Variants in ANKRD44 observed in about 807,000 individuals in gnomAD.
ANKRD44 encodes serine/threonine-protein phosphatase 6 regulatory ankyrin repeat subunit B.
Under a neutral mutation model 116.0 loss-of-function variants are expected in ANKRD44, and 35 were observed. The observed-to-expected ratio is 0.30, with a 90% CI of 0.23 to 0.40. The LOEUF (loss-of-function observed/expected upper bound fraction) is 0.40, where lower values mean the gene tolerates loss of function less well. ANKRD44 is among the 10% of genes least tolerant of loss of function. ANKRD44 has a pLI of 1.00. For missense variants in ANKRD44, 1,014 were observed against 1,242.6 expected, an observed-to-expected ratio of 0.82 and a Z score of 2.77; for synonymous variants, 435 against 461.8, an observed-to-expected ratio of 0.94 and a Z score of 0.74.
At chr2:197,153,514 A>C (rs2079718305) in intron 2 of ANKRD44, among the ~76,000 whole-genome samples, 1 of 152,180 alleles carries the variant, frequency 6.6e-6, no homozygotes, top group East Asian at 1.9e-4. Flanking sequence ...AACGACACAA[A>C]ATGGGAAGAA....
intron 1 of ANKRD44, among the ~76,000 whole-genome samples, chr2:197,215,201 T>C (rs1262668332): frequency 1.3e-5 from 2 of 152,168 alleles, no homozygotes; most frequent in Non-Finnish European, 2.9e-5. Flanking sequence ...TTAAAGCAAG[T>C]ATATGCTTCA....
intron 1 of ANKRD44, among the ~76,000 whole-genome samples, chr2:197,243,232 AAT>A: frequency 6.6e-6 from 1 of 152,350 alleles, no homozygotes; most frequent in South Asian, 2.1e-4. Flanking sequence ...CTGCATATGT[AAT>A]ATGTTTCTAG....
At chr2:197,009,732 G>A (rs567087668) in intron 18 of ANKRD44, among the ~76,000 whole-genome samples, 20 of 152,154 alleles carry the variant, frequency 1.3e-4, no homozygotes, top group African/African-American at 4.1e-4. Context: ...GATCCCCCTC[G>A]GCTTCCAGCT....
At chr2:197,033,795 G>A (rs141138342) in intron 16 of ANKRD44, among the ~76,000 whole-genome samples, 55 of 151,992 alleles carry the variant, frequency 3.6e-4, no homozygotes, top group Non-Finnish European at 4.0e-4. Flanking sequence ...CACTGGAGAT[G>A]TTGACTGGAA....
chr2:197,100,279 A>T (rs1029405419), intron 9 of ANKRD44, among the ~76,000 whole-genome samples: 2 of 152,056 alleles, frequency 1.3e-5, no homozygotes, highest in Non-Finnish European at 2.9e-5. Context: ...TACCAAAAAT[A>T]AAAAAATTAG....
chr2:197,309,215 T>C (rs894852764), intron 1 of ANKRD44, among the ~76,000 whole-genome samples: 5 of 152,142 alleles, frequency 3.3e-5, no homozygotes, highest in Non-Finnish European at 7.4e-5. Flanking sequence ...TGTCTAACAG[T>C]TGGCAAAGTA....
intron 20 of ANKRD44, among the ~76,000 whole-genome samples, chr2:197,007,073 C>T (rs1480816896): frequency 2.0e-5 from 3 of 151,766 alleles, no homozygotes; most frequent in African/African-American, 2.4e-5. Context: ...CCACTACACT[C>T]CAGCCTGGGT....
chr2:197,090,224 C>T (rs372367491), intron 10 of ANKRD44, among the ~76,000 whole-genome samples, 192 bp from the exon 11 acceptor site: 6 of 152,170 alleles, frequency 3.9e-5, no homozygotes, highest in East Asian at 3.9e-4. Flanking sequence ...ATAATAAATG[C>T]CTGAATCAAA....
At chr2:197,273,028 T>C (rs947845017) in intron 1 of ANKRD44, among the ~76,000 whole-genome samples, 1 of 152,224 alleles carries the variant, frequency 6.6e-6, no homozygotes, top group Non-Finnish European at 1.5e-5. Context: ...CACATTAACT[T>C]AGATTTTGCT....
At chr2:197,176,250 C>T (rs76040588) in intron 2 of ANKRD44, among the ~76,000 whole-genome samples, 1 of 152,294 alleles carries the variant, frequency 6.6e-6, no homozygotes, top group East Asian at 1.9e-4. Context: ...TTCAAAACTT[C>T]GAAATTTTAG....
chr2:196,993,495 T>C, intron 27 of ANKRD44, 88 bp downstream of exon 27: 1 of 1,095,680 alleles, frequency 9.1e-7, no homozygotes. Context: ...TAAGTGCCTT[T>C]TATACTAGCT....
chr2:197,046,378 T>C (rs1006412044), intron 16 of ANKRD44, among the ~76,000 whole-genome samples: 2 of 152,208 alleles, frequency 1.3e-5, no homozygotes, highest in African/African-American at 2.4e-5. Flanking sequence ...TTTCTAGTAA[T>C]TTAAATCAAA....
chr2:197,229,618 A>C (rs2125759132), intron 1 of ANKRD44, among the ~76,000 whole-genome samples: 1 of 152,348 alleles, frequency 6.6e-6, no homozygotes, highest in East Asian at 1.9e-4. Context: ...ATTTATAAGC[A>C]CTTATATTGT....
At chr2:196,979,219 A>G (rs1300989480) in intron 21 of ANKRD44, among the ~76,000 whole-genome samples, 1 of 151,814 alleles carries the variant, frequency 6.6e-6, no homozygotes, top group East Asian at 2.0e-4. Context: ...ACACGGTGAA[A>G]CCCCGTCTCT....
chr2:197,125,429 C>T lies in ANKRD44; in HGVS notation c.502G>A (p.Ala168Thr). Residue 168 changes from alanine to threonine, a missense_variant, in exon 6 of 28, where the codon GCA (alanine) becomes ACA (threonine). By Grantham distance (58) the Ala-to-Thr change is moderately conservative. Coordinates refer to ENST00000282272, the MANE Select transcript of ANKRD44 (RefSeq NM_001195144.2). ...LLLAKGANIN[A>T]FDKKDRRALH... ...GCACGCCGGTCCTTCTTGTCAAATG[C>T]ATTGATATTTGCCCCTTTGGCCAAG... 6.2e-7 allele frequency: 1 copy of T among 1,614,096 alleles called. No individual in the cohort carries two copies. The highest frequency in any genetic ancestry group is 8.5e-7 in the Non-Finnish European group (1 of 1,180,044).
intron 1 of ANKRD44, among the ~76,000 whole-genome samples, chr2:197,306,910 G>A (rs1344033249): frequency 6.6e-6 from 1 of 152,182 alleles, no homozygotes; most frequent in Non-Finnish European, 1.5e-5. Context: ...GGCAGCCTCC[G>A]AGATGAAAGT....
chr2:197,155,736 A>C (rs1183606635), intron 2 of ANKRD44, among the ~76,000 whole-genome samples: 1 of 152,234 alleles, frequency 6.6e-6, no homozygotes, highest in African/African-American at 2.4e-5. Flanking sequence ...CATAGGCAAG[A>C]TCTTTTCACC....
intron 4 of ANKRD44, among the ~76,000 whole-genome samples, chr2:197,131,402 A>G (rs1037525387): frequency 3.4e-4 from 51 of 152,002 alleles, no homozygotes; most frequent in Admixed American, 1.6e-3. Context: ...CATGTTAGCC[A>G]GGATGGTCTC....
At chr2:197,175,180 C>T (rs986372366) in intron 2 of ANKRD44, among the ~76,000 whole-genome samples, 2 of 152,052 alleles carry the variant, frequency 1.3e-5, no homozygotes, top group African/African-American at 4.8e-5. Flanking sequence ...ATATCTTGAG[C>T]CTGTGACTGG....
Sources: gnomAD v4.1 joint callset for allele counts (sites outside exome capture counted in the v4.1 genomes callset) on GRCh38, gnomAD v4.1.1 for gene constraint, MANE v1.5 for transcripts, NCBI Gene and HGNC (gene_info 2026-07-23, HGNC 2026-07-21) for gene names.